Variants in HCRTR2 observed in about 807,000 individuals in gnomAD.
HCRTR2 encodes hypocretin receptor 2, also known as orexin receptor type 2.
Under a neutral mutation model 49.0 loss-of-function variants are expected in HCRTR2, and 22 were observed. That is an observed-to-expected ratio of 0.45 (90% CI 0.32 to 0.64). HCRTR2 has a LOEUF of 0.64. HCRTR2 is among the 30% of genes least tolerant of loss of function. The probability of loss-of-function intolerance (pLI) is 0.04; values close to 1 mark genes in which losing one functional copy is unlikely to be tolerated. For missense variants in HCRTR2, 491 were observed against 559.4 expected (o/e 0.88, Z 1.23); for synonymous variants, 236 against 205.3 (o/e 1.15, Z -1.28).
intron 1 of HCRTR2, among the ~76,000 whole-genome samples, chr6:55,245,224 G>C (rs1766409273): frequency 6.6e-6 from 1 of 151,522 alleles, no homozygotes; most frequent in Non-Finnish European, 1.5e-5. Flanking sequence ...AAACGGCACA[G>C]TAATATTATC....
chr6:55,277,695 C>G, intron 5 of HCRTR2, 95 bp downstream of exon 5: 6 of 918,560 alleles, frequency 6.5e-6, no homozygotes, highest in Non-Finnish European at 1.0e-5. Flanking sequence ...AGAGAAAAAT[C>G]TAAACTTTCT....
Position 55,174,613 on chromosome 6 carries a change from C to T in HCRTR2, c.26C>T (p.Ser9Phe), listed in dbSNP as rs76774128. The T allele has an allele frequency of 7.4e-6, 12 of 1,612,924 alleles. No homozygotes were observed. Among genetic ancestry groups the T allele is most frequent in the East Asian group, 2.2e-5 (1 of 44,836 alleles). MSGTKLED[S>F]PPCRNWSSAS... is the part of the protein sequence containing the mutation. Reference sequence around the variant, plus strand: ...ATGTCCGGCACCAAATTGGAGGACTCCCCCCCTTGTCGCAACTGGTCATCT... The same window carrying T: ...ATGTCCGGCACCAAATTGGAGGACTTCCCCCCTTGTCGCAACTGGTCATCT... Residue 9 changes from serine (S) to phenylalanine (F), a missense_variant, in exon 1 of 7, where the codon TCC becomes TTC. Physicochemically the swap from Ser to Phe is radical, Grantham distance 155 (BLOSUM62 -2). Transcript: ENST00000370862.
chr6:55,211,793 T>A (rs1765700294), intron 1 of HCRTR2, among the ~76,000 whole-genome samples: 1 of 152,126 alleles, frequency 6.6e-6, no homozygotes, highest in African/African-American at 2.4e-5. Context: ...TAAACATCAC[T>A]TCCTCTGGGA....
chr6:55,189,276 G>T (rs950866182), intron 1 of HCRTR2, among the ~76,000 whole-genome samples: 1 of 152,074 alleles, frequency 6.6e-6, no homozygotes, highest in African/African-American at 2.4e-5. Context: ...TGGTAAGAAC[G>T]GATTAAAGTT....
chr6:55,225,283 T>C (rs1215910272), intron 1 of HCRTR2, among the ~76,000 whole-genome samples: 2 of 152,216 alleles, frequency 1.3e-5, no homozygotes, highest in Non-Finnish European at 2.9e-5. Context: ...AATACCCAAC[T>C]AGAAACATGA....
At chr6:55,187,323 G>T (rs2127276173) in intron 1 of HCRTR2, among the ~76,000 whole-genome samples, 1 of 144,796 alleles carries the variant, frequency 6.9e-6, no homozygotes, top group South Asian at 2.3e-4. Flanking sequence ...TGAGGCAGGA[G>T]AATCACTTCA....
intron 1 of HCRTR2, among the ~76,000 whole-genome samples, chr6:55,245,258 G>A (rs974914309): frequency 6.6e-6 from 1 of 151,030 alleles, no homozygotes; most frequent in African/African-American, 2.4e-5. Context: ...AAATTCAAAT[G>A]TATCCAGTTG....
At chr6:55,214,808 A>C (rs1765759570) in intron 1 of HCRTR2, among the ~76,000 whole-genome samples, 1 of 152,030 alleles carries the variant, frequency 6.6e-6, no homozygotes, top group Non-Finnish European at 1.5e-5. Flanking sequence ...CAAATTGAAT[A>C]TTACATTAAA....
intron 1 of HCRTR2, among the ~76,000 whole-genome samples, chr6:55,151,725 T>G (rs1282885002): frequency 6.6e-6 from 1 of 151,914 alleles, no homozygotes; most frequent in Non-Finnish European, 1.5e-5. Context: ...AGCTTTCAAT[T>G]TACTTTCCCA....
chr6:55,121,904 A>T (rs2127238104), intron 1 of HCRTR2, among the ~76,000 whole-genome samples: 1 of 151,648 alleles, frequency 6.6e-6, no homozygotes. Context: ...TTCGTCAGGG[A>T]TATTGTTCTA....
chr6:55,134,841 TTCTC>T (rs984179007), intron 1 of HCRTR2, among the ~76,000 whole-genome samples: 31 of 152,152 alleles, frequency 2.0e-4, no homozygotes, highest in Non-Finnish European at 1.5e-5. Context: ...TAATATTTCA[TTCTC>T]TCTCTCTTTC....
At chr6:55,139,137 A>G (rs527923115) in intron 1 of HCRTR2, among the ~76,000 whole-genome samples, 37 of 152,296 alleles carry the variant, frequency 2.4e-4, no homozygotes, top group Admixed American at 8.5e-4. Context: ...AAATGTGGCT[A>G]TCCTAGGGTG....
chr6:55,280,722 A>G (rs1581876431), intron 6 of HCRTR2, among the ~76,000 whole-genome samples: 1 of 152,218 alleles, frequency 6.6e-6, no homozygotes, highest in South Asian at 2.1e-4. Context: ...CTTACATGAC[A>G]TACTTTAAAC....
intron 1 of HCRTR2, among the ~76,000 whole-genome samples, chr6:55,245,387 G>GTA (rs1270944319): frequency 2.0e-4 from 22 of 111,318 alleles, no homozygotes; most frequent in Admixed American, 2.8e-4. Context: ...ATATATATAT[G>GTA]TATATATATA....
intron 1 of HCRTR2, among the ~76,000 whole-genome samples, chr6:55,112,213 A>C (rs1170188617): frequency 1.3e-5 from 2 of 151,956 alleles, no homozygotes; most frequent in African/African-American, 4.8e-5. Flanking sequence ...AGTTGAAGGC[A>C]TTCCCCCTGA....
chr6:55,243,170 A>G (rs1766367414), intron 1 of HCRTR2, among the ~76,000 whole-genome samples: 1 of 152,156 alleles, frequency 6.6e-6, no homozygotes, highest in East Asian at 1.9e-4. Flanking sequence ...TTTCAAAAAT[A>G]CTATTTCAAT....
chr6:55,226,781 A>T (rs9349769), intron 1 of HCRTR2, among the ~76,000 whole-genome samples: 1 of 122,042 alleles, frequency 8.2e-6, no homozygotes, highest in Non-Finnish European at 1.6e-5. Context: ...TGCAGTGGTG[A>T]GATCTCGGCT....
At chr6:55,265,049 T>G (rs1218183048) in intron 4 of HCRTR2, among the ~76,000 whole-genome samples, 2 of 152,128 alleles carry the variant, frequency 1.3e-5, no homozygotes, top group Non-Finnish European at 2.9e-5. Flanking sequence ...AATTTCAATA[T>G]TTTCTCTTTT....
At chr6:55,199,671 AAAT>A (rs1193217620) in intron 1 of HCRTR2, among the ~76,000 whole-genome samples, 1 of 152,200 alleles carries the variant, frequency 6.6e-6, no homozygotes, top group Non-Finnish European at 1.5e-5. Flanking sequence ...GCGTACTTCA[AAAT>A]AATTACATTT....
Sources: allele counts gnomAD v4.1 joint callset (sites outside exome capture counted in the v4.1 genomes callset), GRCh38; gene constraint gnomAD v4.1.1; transcripts MANE v1.5; gene names NCBI Gene and HGNC (gene_info 2026-07-23, HGNC 2026-07-21).